The following KIAA1328 variants were observed in gnomAD, a reference collection of about 807,000 sequenced individuals.
KIAA1328 encodes the protein protein hinderin.
Under a neutral mutation model 68.1 loss-of-function variants are expected in KIAA1328, and 52 were observed. The ratio of observed to expected loss-of-function variants is 0.76; its 90% confidence interval spans 0.61 to 0.96. The LOEUF (loss-of-function observed/expected upper bound fraction) is 0.96. Among genes scored for constraint, KIAA1328 ranks in the 40% least tolerant of loss-of-function variants. The pLI, the probability that KIAA1328 is intolerant of heterozygous loss-of-function variation, is 0.00. For missense variants in KIAA1328, 641 were observed against 677.6 expected (o/e 0.95, Z 0.60); for synonymous variants, 232 against 239.4 (o/e 0.97, Z 0.28).
intron 6 of KIAA1328, among the ~76,000 whole-genome samples, chr18:36,965,441 C>T (rs894706326): frequency 2.0e-5 from 3 of 150,266 alleles, no homozygotes; most frequent in Non-Finnish European, 4.4e-5. Flanking sequence ...ATCAGGAGTT[C>T]GAAACCAGCC....
chr18:36,912,248 G>A (rs2049482480), intron 5 of KIAA1328, among the ~76,000 whole-genome samples: 1 of 152,064 alleles, frequency 6.6e-6, no homozygotes, highest in African/African-American at 2.4e-5. Context: ...AATCTCAATG[G>A]GTTAAAATCA....
At chr18:37,096,940 A>G (rs1852714033) in intron 7 of KIAA1328, among the ~76,000 whole-genome samples, 1 of 152,028 alleles carries the variant, frequency 6.6e-6, no homozygotes, top group Non-Finnish European at 1.5e-5. Context: ...TTTCTTGTAA[A>G]TTAGTTTGAG....
chr18:37,087,091 A>G (rs989889075), intron 7 of KIAA1328, among the ~76,000 whole-genome samples: 15 of 151,864 alleles, frequency 9.9e-5, no homozygotes, highest in African/African-American at 3.6e-4. Flanking sequence ...ACAGGGTTTT[A>G]CTCTGTTGCC....
chr18:36,922,085 A>G (rs1213930077), intron 5 of KIAA1328, among the ~76,000 whole-genome samples: 1 of 151,800 alleles, frequency 6.6e-6, no homozygotes, highest in Admixed American at 6.6e-5. Context: ...AACAAAGACA[A>G]CCTATATGTA....
intron 6 of KIAA1328, among the ~76,000 whole-genome samples, chr18:37,045,472 T>C (rs759329823): frequency 2.6e-5 from 4 of 152,158 alleles, no homozygotes; most frequent in African/African-American, 7.2e-5. Flanking sequence ...TCCATTTCTT[T>C]TTTTTTTTCT....
chr18:37,186,027 G>A (rs2059790558), intron 9 of KIAA1328, among the ~76,000 whole-genome samples: 1 of 150,098 alleles, frequency 6.7e-6, no homozygotes, highest in Admixed American at 6.6e-5. Context: ...AAAGCATGTA[G>A]CTGACATTGA....
At chr18:36,859,617 C>CTT (rs1408853876) in intron 4 of KIAA1328, among the ~76,000 whole-genome samples, 4 of 145,328 alleles carry the variant, frequency 2.8e-5, no homozygotes, top group Non-Finnish European at 4.5e-5. Context: ...CTCTGTTTCT[C>CTT]TCTTTCTTTC....
chr18:37,066,534 A>G (rs996662215), intron 6 of KIAA1328, among the ~76,000 whole-genome samples: 1 of 152,224 alleles, frequency 6.6e-6, no homozygotes, highest in Non-Finnish European at 1.5e-5. Context: ...TCAGTATTCA[A>G]AAGTAAACAT....
chr18:36,971,895 T>A (rs1218009708), intron 6 of KIAA1328, among the ~76,000 whole-genome samples: 3 of 150,874 alleles, frequency 2.0e-5, no homozygotes, highest in Admixed American at 1.3e-4. Context: ...AAGAAAAAGA[T>A]AACTATGGGT....
intron 6 of KIAA1328, among the ~76,000 whole-genome samples, chr18:37,052,121 C>G (rs577977310): frequency 6.6e-6 from 1 of 151,790 alleles, no homozygotes; most frequent in South Asian, 2.1e-4. Context: ...AAAACCAAAC[C>G]CAGCAACACA....
intron 5 of KIAA1328, among the ~76,000 whole-genome samples, chr18:36,917,285 G>A (rs2049745035): frequency 6.6e-6 from 1 of 151,970 alleles, no homozygotes; most frequent in Non-Finnish European, 1.5e-5. Flanking sequence ...TTTGTTAAGA[G>A]GCAGGGTCTT....
intron 3 of KIAA1328, among the ~76,000 whole-genome samples, chr18:36,841,624 C>CT (rs2046861572): frequency 6.6e-6 from 1 of 152,100 alleles, no homozygotes; most frequent in African/African-American, 2.4e-5. Context: ...GTAGTAAATA[C>CT]TTTAACTTTT....
chr18:36,976,195 A>G (rs1281122494), intron 6 of KIAA1328, among the ~76,000 whole-genome samples: 1 of 152,220 alleles, frequency 6.6e-6, no homozygotes, highest in African/African-American at 2.4e-5. Flanking sequence ...TTTAATATTA[A>G]TAGACACCTG....
intron 5 of KIAA1328, chr18:36,924,042 C>T (rs1482889794): frequency 2.0e-5 from 3 of 151,984 alleles, no homozygotes; most frequent in African/African-American, 7.3e-5. Context: ...TTGGATTTAC[C>T]CTAGGGGACA....
At chr18:37,130,480 T>A (rs1249149597) in intron 7 of KIAA1328, among the ~76,000 whole-genome samples, 1 of 152,102 alleles carries the variant, frequency 6.6e-6, no homozygotes, top group Non-Finnish European at 1.5e-5. Flanking sequence ...TAGCTGGGCA[T>A]GGTGGTGCAC....
At chr18:36,866,289 G>C (rs897939037) in intron 4 of KIAA1328, among the ~76,000 whole-genome samples, 18 of 151,952 alleles carry the variant, frequency 1.2e-4, no homozygotes, top group Non-Finnish European at 2.5e-4. Flanking sequence ...ACATTGGGCT[G>C]GTATTAGACC....
intron 5 of KIAA1328, among the ~76,000 whole-genome samples, chr18:36,903,401 A>G (rs1416568402): frequency 1.3e-5 from 2 of 152,164 alleles, no homozygotes; most frequent in African/African-American, 4.8e-5. Context: ...TTCAATTGCG[A>G]AAGTTCTCTG....
chr18:37,208,508 G>A (rs150145115), intron 9 of KIAA1328, among the ~76,000 whole-genome samples: 1 of 152,302 alleles, frequency 6.6e-6, no homozygotes, highest in East Asian at 1.9e-4. Flanking sequence ...TGTGAATCAG[G>A]TGTTAACATC....
At chr18:37,084,397 C>T (rs2057037345) in intron 7 of KIAA1328, 2 of 319,932 alleles carry the variant, frequency 6.3e-6, no homozygotes, top group South Asian at 2.9e-4. Context: ...ATATGAAAAA[C>T]AAAATAAAAA....
Sources: gnomAD v4.1 joint callset for allele counts (sites outside exome capture counted in the v4.1 genomes callset) on GRCh38, gnomAD v4.1.1 for gene constraint, MANE v1.5 for transcripts, NCBI Gene and HGNC (gene_info 2026-07-23, HGNC 2026-07-21) for gene names.